CLEC12B: variants seen among roughly 807,000 people sequenced by gnomAD.
CLEC12B encodes the protein macrophage antigen h.
Under a neutral mutation model 36.1 loss-of-function variants are expected in CLEC12B, and 25 were observed. That is an observed-to-expected ratio of 0.69 (90% confidence interval 0.50 to 0.97). The LOEUF is 0.97. Among genes scored for constraint, CLEC12B ranks in the 50% least tolerant of loss-of-function variants. CLEC12B has a pLI of 0.00. For synonymous variants in CLEC12B, 110 were observed against 108.5 expected (o/e 1.01, Z -0.09); for missense variants, 325 against 318.4 (o/e 1.02, Z -0.16).
upstream of CLEC12B, among the ~76,000 whole-genome samples, chr12:10,006,583 C>G (rs914477593): frequency 5.9e-5 from 9 of 151,430 alleles, no homozygotes; most frequent in Admixed American, 5.3e-4. Context: ...AAAAGGAAAA[C>G]CAAGAGAATG....
upstream of CLEC12B, among the ~76,000 whole-genome samples, chr12:10,009,222 C>A (rs1591860522): frequency 6.6e-6 from 1 of 152,208 alleles, no homozygotes; most frequent in East Asian, 1.9e-4. Context: ...AACCTTGCTA[C>A]CACTCAGTCT....
At chr12:10,013,505 T>C (rs1264564002) in intron 2 of CLEC12B, 2 of 153,048 alleles carry the variant, frequency 1.3e-5, no homozygotes, top group African/African-American at 4.8e-5. Context: ...CCTCGGGAAG[T>C]TGGGGATGAA....
upstream of CLEC12B, among the ~76,000 whole-genome samples, chr12:10,008,929 T>G (rs1240182840): frequency 6.6e-6 from 1 of 151,896 alleles, no homozygotes; most frequent in Admixed American, 6.6e-5. Context: ...CTGAATCGAG[T>G]GGGGACTCAG....
chr12:10,007,535 ATAATGT>A (rs1173745981), upstream of CLEC12B, among the ~76,000 whole-genome samples: 1 of 152,128 alleles, frequency 6.6e-6, no homozygotes, highest in Non-Finnish European at 1.5e-5. Flanking sequence ...TTTTCTTAAG[ATAATGT>A]TAATGGAAAA....
intron 3 of CLEC12B, 101 bp from the exon 4 acceptor site, chr12:10,015,151 C>A: frequency 1.0e-6 from 1 of 987,466 alleles, no homozygotes. Context: ...AGGGTGCAGG[C>A]TCTCAGTCCC....
upstream of CLEC12B, among the ~76,000 whole-genome samples, chr12:10,007,145 A>T (rs1865239531): frequency 6.6e-6 from 1 of 152,168 alleles, no homozygotes; most frequent in African/African-American, 2.4e-5. Context: ...GGAAGATCAT[A>T]GAGAAATTTT....
upstream of CLEC12B, among the ~76,000 whole-genome samples, chr12:10,007,990 C>A (rs1171869243): frequency 3.9e-5 from 6 of 152,040 alleles, no homozygotes; most frequent in Admixed American, 2.6e-4. Flanking sequence ...GTGTAGAATA[C>A]CCAGAGAGAG....
rs1418783924 is a variant in CLEC12B, at chr12:10,012,846, G to T, written c.153G>T (p.Leu51=). 6.2e-7 allele frequency: 1 copy of T among 1,613,698 alleles called. No individual in the cohort carries two copies. Among genetic ancestry groups the T allele is most frequent in the African/African-American group, 1.3e-5 (1 of 74,874 alleles). ...CTCTGGGTCTGGTAACTCTTTGCCT[G>T]ATGTTGCTGATTGGGCTGGTGACAT... ...HAALGLVTLC[L]MLLIGLVTLG... The change falls in exon 2 of 6, where the codon CTG becomes CTT. Residue 51 remains leucine (L), a synonymous_variant. Transcript: ENST00000338896.
chr12:10,012,337 CT>C (rs1348383701), intron 1 of CLEC12B, among the ~76,000 whole-genome samples: 1 of 152,088 alleles, frequency 6.6e-6, no homozygotes, highest in Non-Finnish European at 1.5e-5. Context: ...ATTCAATAAA[CT>C]TGAGGAAGAA....
chr12:10,016,117 T>C, intron 5 of CLEC12B: 1 of 294,896 alleles, frequency 3.4e-6, no homozygotes, highest in Non-Finnish European at 5.1e-6. Flanking sequence ...GATTGTGCAC[T>C]CAGTCACTCA....
chr12:10,017,947 A>G (rs1245107855), intron 5 of CLEC12B: 1 of 958,614 alleles, frequency 1.0e-6, no homozygotes, highest in Non-Finnish European at 1.2e-6. Flanking sequence ...ACTTTTTACA[A>G]CAGAATGTGA....
chr12:10,012,760 T>C, intron 1 of CLEC12B, 25 bp from the exon 2 acceptor site: 1 of 1,579,794 alleles, frequency 6.3e-7, no homozygotes, highest in Non-Finnish European at 8.7e-7. Context: ...TTCTGTGTGC[T>C]GATTGCTCTT....
upstream of CLEC12B, among the ~76,000 whole-genome samples, chr12:10,006,775 G>A (rs1246678594): frequency 2.8e-4 from 42 of 152,130 alleles, no homozygotes; most frequent in Admixed American, 2.7e-3. Context: ...TGAAAGAAGG[G>A]CCAGGCGTGG....
chr12:10,010,674 C>G lies in CLEC12B; in HGVS notation c.-86C>G. ...TCAGCTGAGTGACTACATCAAAGCT[C>G]CCAGCCTTGAAAAACACATGCTGTT... On this transcript the variant is annotated 5_prime_UTR_variant, in exon 1 of 6. Coordinates refer to ENST00000338896, the MANE Select transcript of CLEC12B (RefSeq NM_001129998.3). 1.2e-6 allele frequency: 1 copy of G among 822,806 alleles called. No individual in the cohort carries two copies. The highest frequency in any genetic ancestry group is 2.0e-6 in the Non-Finnish European group (1 of 505,492). 51.0% of individuals were successfully genotyped at this position (822,806 alleles called of 1,614,324 possible). A position where few individuals can be genotyped will look rare whatever the true frequency, so the allele number is the denominator to read the frequency against.
intron 5 of CLEC12B, chr12:10,017,121 C>T (rs976832742): frequency 1.0e-6 from 1 of 985,088 alleles, no homozygotes; most frequent in African/African-American, 1.7e-5. Flanking sequence ...TATCTTCATC[C>T]ATTTCCCAAT....
At chr12:10,013,802 A>G (rs1188962699) in intron 2 of CLEC12B, among the ~76,000 whole-genome samples, 1 of 152,178 alleles carries the variant, frequency 6.6e-6, no homozygotes, top group Non-Finnish European at 1.5e-5. Context: ...CTCTTTTGAA[A>G]AGGAATATGA....
At chr12:10,013,666 C>T (rs758515392) in intron 2 of CLEC12B, among the ~76,000 whole-genome samples, 1 of 152,156 alleles carries the variant, frequency 6.6e-6, no homozygotes, top group Non-Finnish European at 1.5e-5. Context: ...CTGAATGATA[C>T]TAACATCTCC....
At chr12:10,010,196 TCTCTCACACA>T (rs1169675744), upstream of CLEC12B, among the ~76,000 whole-genome samples, 9 of 67,378 alleles carry the variant, frequency 1.3e-4, no homozygotes, top group East Asian at 4.3e-4. Context: ...TCTCTGTCTC[TCTCTCACACA>T]CACACACACA....
intron 2 of CLEC12B, 29 bp from the exon 3 acceptor site, chr12:10,014,494 A>G: frequency 6.8e-7 from 1 of 1,472,108 alleles, no homozygotes; most frequent in Non-Finnish European, 9.5e-7. Context: ...AGAAGAATAT[A>G]TGAACTTGTC....
Sources: gnomAD v4.1 joint callset for allele counts (sites outside exome capture counted in the v4.1 genomes callset) on GRCh38, gnomAD v4.1.1 for gene constraint, MANE v1.5 for transcripts, NCBI Gene and HGNC (gene_info 2026-07-23, HGNC 2026-07-21) for gene names.